Variants in PIK3CB observed in about 807,000 individuals in gnomAD.
PIK3CB encodes the protein phosphatidylinositol-4,5-bisphosphate 3-kinase catalytic subunit beta, also known as phosphatidylinositol 4,5-bisphosphate 3-kinase catalytic subunit beta isoform.
Under a neutral mutation model 136.8 loss-of-function variants are expected in PIK3CB, and 39 were observed. The ratio of observed to expected loss-of-function variants is 0.29; its 90% CI spans 0.22 to 0.37. The LOEUF is 0.37. PIK3CB is among the 10% of genes least tolerant of loss of function. The pLI, the probability that PIK3CB is intolerant of heterozygous loss-of-function variation, is 1.00. For missense variants in PIK3CB, 868 were observed against 1,275.4 expected, an observed-to-expected ratio of 0.68 and a Z score of 4.87; for synonymous variants, 428 against 436.6, an observed-to-expected ratio of 0.98 and a Z score of 0.25.
chr3:138,671,828 T>C (rs2043539247), intron 19 of PIK3CB, among the ~76,000 whole-genome samples: 2 of 152,248 alleles, frequency 1.3e-5, no homozygotes, highest in Non-Finnish European at 2.9e-5. Flanking sequence ...CTCTGCATTC[T>C]TTCCCCATTG....
intron 4 of PIK3CB, among the ~76,000 whole-genome samples, chr3:138,752,974 G>A (rs368824642): frequency 6.6e-6 from 1 of 152,128 alleles, no homozygotes; most frequent in South Asian, 2.1e-4. Context: ...GTAAATGTTG[G>A]GAAGGAGGTA....
intron 7 of PIK3CB, 41 bp downstream of exon 7, chr3:138,734,593 A>G (rs756656730): frequency 2.1e-6 from 3 of 1,441,064 alleles, no homozygotes; most frequent in South Asian, 1.3e-5. Flanking sequence ...ACACAATCAC[A>G]TGGCTTTTGG....
intron 1 of PIK3CB, among the ~76,000 whole-genome samples, chr3:138,807,366 G>A (rs886930931): frequency 2.0e-5 from 3 of 152,196 alleles, no homozygotes; most frequent in Non-Finnish European, 4.4e-5. Flanking sequence ...CATGGGAGGT[G>A]GAGGTTGCAG....
At chr3:138,790,900 T>C (rs958862647) in intron 2 of PIK3CB, among the ~76,000 whole-genome samples, 4 of 146,422 alleles carry the variant, frequency 2.7e-5, no homozygotes, top group Admixed American at 6.8e-5. Context: ...GAGGTGGAGG[T>C]TGCAGCAAGC....
At position 138,798,230 on chromosome 3, in the gene PIK3CB, T is replaced by C. The variant is rs535762862; in HGVS notation, c.-121-1663A>G. On this transcript the variant is annotated intron_variant, in intron 1 of 23. Coordinates refer to ENST00000674063, the MANE Select transcript of PIK3CB (RefSeq NM_006219.3). ...CCCAGGCTGAAGTGTGGTGGCACAA[T>C]AGCAGCTCACTGCACCCTAGAACTC... Among the ~76,000 whole-genome samples, 5 of 152,262 alleles carry C rather than the reference T, an allele frequency of 3.3e-5. No individual in the cohort carries two copies. In the South Asian group the frequency reaches 6.2e-4, roughly 19 times the overall value.
At chr3:138,813,255 C>T (rs1253867607) in intron 1 of PIK3CB, among the ~76,000 whole-genome samples, 1 of 152,042 alleles carries the variant, frequency 6.6e-6, no homozygotes, top group Non-Finnish European at 1.5e-5. Flanking sequence ...CCCAGCATTT[C>T]GTACTCATAG....
At chr3:138,807,987 T>C (rs2046252759) in intron 1 of PIK3CB, among the ~76,000 whole-genome samples, 1 of 152,148 alleles carries the variant, frequency 6.6e-6, no homozygotes, top group Admixed American at 6.6e-5. Flanking sequence ...GAGGGTTTTT[T>C]TTAAAAACAC....
chr3:138,817,497 C>T (rs1475192492), intron 1 of PIK3CB, among the ~76,000 whole-genome samples: 1 of 152,024 alleles, frequency 6.6e-6, no homozygotes, highest in Non-Finnish European at 1.5e-5. Context: ...GCCTGGGCAA[C>T]AAGAGTGAAA....
At chr3:138,808,018 GT>G (rs1260895609) in intron 1 of PIK3CB, among the ~76,000 whole-genome samples, 1 of 151,956 alleles carries the variant, frequency 6.6e-6, no homozygotes, top group East Asian at 1.9e-4. Context: ...TACACCACAT[GT>G]TGCCTTTAGT....
intron 1 of PIK3CB, among the ~76,000 whole-genome samples, chr3:138,831,673 T>A (rs1934043667): frequency 6.6e-6 from 1 of 152,156 alleles, no homozygotes; most frequent in Non-Finnish European, 1.5e-5. Flanking sequence ...ACGCCTGTAA[T>A]CCCAGCACTT....
Position 138,654,310 on chromosome 3 carries a change from T to A in PIK3CB, c.*1079A>T, listed in dbSNP as rs1170152185. On this transcript the variant is annotated 3_prime_UTR_variant, in exon 24 of 24. Coordinates refer to ENST00000674063, the MANE Select transcript of PIK3CB (RefSeq NM_006219.3). ...TTACTTGCCCCTAGCACCCTAAATA[T>A]ATGGTACCTCAACAAATAACTTAAA... 1 of 217,856 alleles carries A rather than the reference T, an allele frequency of 4.6e-6. No individual in the cohort carries two copies. Among genetic ancestry groups the A allele is most frequent in the African/African-American group, 2.3e-5 (1 of 44,414 alleles). 13.5% of individuals were successfully genotyped at this position (217,856 alleles called of 1,614,324 possible).
intron 19 of PIK3CB, among the ~76,000 whole-genome samples, chr3:138,680,722 C>T (rs968876827): frequency 2.0e-5 from 3 of 151,176 alleles, no homozygotes; most frequent in Admixed American, 1.3e-4. Context: ...AAGTTTCGCT[C>T]TTGTTGCCCT....
In PIK3CB at chr3:138,830,689, G is replaced by A. The variant is rs181595825; in HGVS notation, c.-122+4006C>T. 3.4e-3 allele frequency among the ~76,000 whole-genome samples: 517 copies of A among 151,776 alleles called. 11 individuals are homozygous for A. The highest frequency in any genetic ancestry group is 0.032 in the Admixed American group (483 of 15,212). ...CCGAGATGGGCGGATCACGAGGTCA[G>A]GAGATCGAGACCATCCTGGTGAACA... On this transcript the variant is annotated intron_variant, in intron 1 of 23. Coordinates refer to ENST00000674063, the MANE Select transcript of PIK3CB (RefSeq NM_006219.3).
chr3:138,744,543 G>GTAC (rs963257711), intron 4 of PIK3CB, among the ~76,000 whole-genome samples: 5 of 151,778 alleles, frequency 3.3e-5, no homozygotes, highest in Non-Finnish European at 7.4e-5. Flanking sequence ...AGTGAAGGAG[G>GTAC]TACAAGGGGA....
At position 138,786,012 on chromosome 3, in the gene PIK3CB, T is replaced by TA. The variant is rs542746286; in HGVS notation, c.-17+10450dup. On this transcript the variant is annotated intron_variant, in intron 2 of 23. Transcript: ENST00000674063. ...TACACACATCACCATTAATGAACCT[T>TA]ACCAACAATGTTAAAAGAAACAAAA... is the stretch of plus-strand genomic sequence containing the variant. Among the ~76,000 whole-genome samples, 170 of 152,178 alleles carry TA rather than the reference T, an allele frequency of 1.1e-3. 1 individual carries two copies. Among genetic ancestry groups the TA allele is most frequent in the African/African-American group, 4.0e-3 (167 of 41,528 alleles).
intron 4 of PIK3CB, among the ~76,000 whole-genome samples, chr3:138,751,972 A>T (rs1007972157): frequency 2.0e-4 from 6 of 30,570 alleles, no homozygotes; most frequent in Non-Finnish European, 4.4e-4. Flanking sequence ...CTCTGTATAT[A>T]AAAAAAAAAA....
Position 138,658,114 on chromosome 3 carries a change from C to CT in PIK3CB, c.2797-280dup, listed in dbSNP as rs531102701. On this transcript the variant is annotated intron_variant, in intron 21 of 23. Coordinates refer to ENST00000674063, the MANE Select transcript of PIK3CB (RefSeq NM_006219.3). The stretch of plus-strand genomic sequence containing the variant: ...AAATACATCCAAAGAATTAAAATGT[C>CT]TGATTTTTAAAAAGTCAAATAGTTC... Among the ~76,000 whole-genome samples the CT allele has an allele frequency of 3.9e-4, 59 of 152,236 alleles. 1 individual carries two copies. The highest frequency in any genetic ancestry group is 6.8e-4 in the Non-Finnish European group (46 of 68,004).
chr3:138,754,917 T>C (rs779039100), intron 4 of PIK3CB, among the ~76,000 whole-genome samples: 1 of 152,200 alleles, frequency 6.6e-6, no homozygotes, highest in Non-Finnish European at 1.5e-5. Flanking sequence ...CCTTTTGTAG[T>C]TCCTAATTCA....
At chr3:138,751,971 T>TA (rs11328258) in intron 4 of PIK3CB, among the ~76,000 whole-genome samples, 6,734 of 114,588 alleles carry the variant, frequency 0.059, 445 homozygotes, top group African/African-American at 0.19. Flanking sequence ...ACTCTGTATA[T>TA]AAAAAAAAAA....
Sources: allele counts gnomAD v4.1 joint callset (sites outside exome capture counted in the v4.1 genomes callset), GRCh38; gene constraint gnomAD v4.1.1; transcripts MANE v1.5; gene names NCBI Gene and HGNC (gene_info 2026-07-23, HGNC 2026-07-21).